ANKRD62: variants seen among roughly 807,000 people sequenced by gnomAD.
The protein encoded by ANKRD62 is ankyrin repeat domain-containing protein 62.
A neutral mutation model predicts 98.8 loss-of-function variants in ANKRD62; 61 were observed. That is an observed-to-expected ratio of 0.62 (90% CI 0.50 to 0.76). The LOEUF is 0.76. ANKRD62 is among the 30% of genes least tolerant of loss of function. ANKRD62 has a pLI of 0.00. For synonymous variants in ANKRD62, 341 were observed against 367.9 expected, an observed-to-expected ratio of 0.93 and a Z score of 0.84; for missense variants, 933 against 1,082.9, an observed-to-expected ratio of 0.86 and a Z score of 1.94.
intron 13 of ANKRD62, among the ~76,000 whole-genome samples, chr18:12,127,364 T>C (rs1458764564): frequency 6.6e-6 from 1 of 152,192 alleles, no homozygotes; most frequent in Non-Finnish European, 1.5e-5. Flanking sequence ...AGCTGGTGAC[T>C]GAATATGTGA....
the ANKRD62 span, among the ~76,000 whole-genome samples, chr18:12,145,529 A>G: frequency 6.6e-6 from 1 of 151,360 alleles, no homozygotes; most frequent in African/African-American, 2.4e-5. Context: ...GTCCCCCAGC[A>G]CATCACAGCT....
intron 1 of ANKRD62, among the ~76,000 whole-genome samples, chr18:12,094,739 G>A (rs1479829875): frequency 5.0e-5 from 4 of 79,402 alleles, no homozygotes; most frequent in African/African-American, 2.2e-4. Context: ...AGACTGGTGG[G>A]AAGTGGAGTT....
At position 12,097,644 on chromosome 18, in the gene ANKRD62, G is replaced by T. The variant is rs1182750454; in HGVS notation, c.619G>T (p.Ala207Ser). Reference sequence around the variant, plus strand: ...AAATTATCTTTCTTATTTTAGAACAGCCCTGATACTTGCTGCTCGTAATGG... The same window carrying T: ...AAATTATCTTTCTTATTTTAGAACATCCCTGATACTTGCTGCTCGTAATGG... ...LTAIDNFGRT[A>S]LILAARNGST... Residue 207 changes from alanine to serine, a missense_variant, in exon 5 of 14, where the codon GCC becomes TCC. Around this residue, in one of 3 missense-constraint regions of ANKRD62, gnomAD observed 549 missense variants for 587.9 expected, o/e 0.93. Coordinates refer to ENST00000587848, the MANE Select transcript of ANKRD62 (RefSeq NM_001277333.2). The T allele has an allele frequency of 1.3e-6, 2 of 1,533,962 alleles. No homozygotes were observed. Among genetic ancestry groups the T allele is most frequent in the Non-Finnish European group, 1.7e-6 (2 of 1,145,980 alleles).
chr18:12,139,184 G>T, the ANKRD62 span, among the ~76,000 whole-genome samples: 2 of 152,184 alleles, frequency 1.3e-5, no homozygotes, highest in Admixed American at 1.3e-4. Flanking sequence ...GCTGGTACCG[G>T]TTGTTCCTTT....
chr18:12,159,809 A>G, the ANKRD62 span, among the ~76,000 whole-genome samples: 1 of 152,174 alleles, frequency 6.6e-6, no homozygotes, highest in African/African-American at 2.4e-5. Flanking sequence ...ATTTTTTACC[A>G]TAAGTGTATC....
chr18:12,117,523 A>T (rs979799328), intron 10 of ANKRD62, among the ~76,000 whole-genome samples: 1 of 152,228 alleles, frequency 6.6e-6, no homozygotes, highest in Non-Finnish European at 1.5e-5. Context: ...GTGAAAGCAG[A>T]CATTCCTGTG....
the ANKRD62 span, among the ~76,000 whole-genome samples, chr18:12,156,958 C>T: frequency 6.6e-5 from 10 of 152,126 alleles, no homozygotes; most frequent in African/African-American, 1.9e-4. Flanking sequence ...CTCTCTCGCT[C>T]GCTGTCTCTC....
chr18:12,118,416 C>T (rs1464331526), intron 10 of ANKRD62, among the ~76,000 whole-genome samples: 1 of 151,998 alleles, frequency 6.6e-6, no homozygotes. Context: ...CAAGATCAGC[C>T]CGGCCAACAT....
At chr18:12,116,585 A>G (rs1909670449) in intron 10 of ANKRD62, among the ~76,000 whole-genome samples, 2 of 152,196 alleles carry the variant, frequency 1.3e-5, no homozygotes, top group Admixed American at 6.5e-5. Context: ...TTCTGGTCCC[A>G]AGCATTTTTA....
At chr18:12,102,864 T>C (rs1414293128) in intron 6 of ANKRD62, 1 of 748,646 alleles carries the variant, frequency 1.3e-6, no homozygotes, top group Non-Finnish European at 1.7e-6. Context: ...TTTGTTTTTC[T>C]GATGGTTTTG....
At chr18:12,109,950 C>CAAAAAAAA (rs10588166) in intron 8 of ANKRD62, among the ~76,000 whole-genome samples, 1 of 124,842 alleles carries the variant, frequency 8.0e-6, no homozygotes. Context: ...TCACTGTTAC[C>CAAAAAAAA]AAAAAAAAAA....
At chr18:12,171,618 TG>T in the ANKRD62 span, among the ~76,000 whole-genome samples, 10 of 152,166 alleles carry the variant, frequency 6.6e-5, no homozygotes, top group African/African-American at 2.2e-4. Flanking sequence ...TTATGTGTCT[TG>T]GGGTTGCTCT....
chr18:12,123,403 A>G (rs1353448461), intron 11 of ANKRD62, among the ~76,000 whole-genome samples: 1 of 152,180 alleles, frequency 6.6e-6, no homozygotes, highest in Non-Finnish European at 1.5e-5. Context: ...GAAAGTGATT[A>G]CTGATTAGCT....
the ANKRD62 span, among the ~76,000 whole-genome samples, chr18:12,145,126 CGTGCT>C: frequency 8.6e-5 from 13 of 151,456 alleles, no homozygotes; most frequent in Non-Finnish European, 1.6e-4. Context: ...ACAGCTGTGT[CGTGCT>C]GTGCTGTGCT....
chr18:12,139,551 T>C, the ANKRD62 span, among the ~76,000 whole-genome samples: 2 of 151,760 alleles, frequency 1.3e-5, no homozygotes, highest in Admixed American at 6.6e-5. Flanking sequence ...GAGGCTGAGC[T>C]AGGAGAATGG....
At chr18:12,145,940 T>C in the ANKRD62 span, among the ~76,000 whole-genome samples, 1 of 151,756 alleles carries the variant, frequency 6.6e-6, no homozygotes, top group Non-Finnish European at 1.5e-5. Flanking sequence ...ACCTCCCAAA[T>C]GGGGTCTCCA....
the ANKRD62 span, among the ~76,000 whole-genome samples, chr18:12,141,367 T>C: frequency 2.0e-5 from 3 of 152,194 alleles, no homozygotes; most frequent in African/African-American, 7.2e-5. Context: ...TGTCTGGCAC[T>C]ACCCCATGAG....
chr18:12,138,352 G>A, the ANKRD62 span, among the ~76,000 whole-genome samples: 8 of 152,278 alleles, frequency 5.3e-5, no homozygotes, highest in East Asian at 3.9e-4. Context: ...GTAGTTGAGC[G>A]GTTTTGAGTG....
intron 4 of ANKRD62, 98 bp downstream of exon 4, chr18:12,096,400 A>C (rs1230872153): frequency 7.5e-6 from 5 of 665,432 alleles, no homozygotes; most frequent in Admixed American, 3.5e-5. Context: ...AGATTAACTT[A>C]TTATTATTGG....
Sources: allele counts gnomAD v4.1 joint callset (sites outside exome capture counted in the v4.1 genomes callset), GRCh38; gene constraint gnomAD v4.1.1; regional missense constraint gnomAD v4.1.1; transcripts MANE v1.5; gene names NCBI Gene and HGNC (gene_info 2026-07-23, HGNC 2026-07-21).